G2E3: variants seen among roughly 807,000 people sequenced by gnomAD.
G2E3 encodes G2/M-phase specific E3 ubiquitin protein ligase, also known as G2/M phase-specific E3 ubiquitin-protein ligase.
A neutral mutation model predicts 92.8 loss-of-function variants in G2E3; 35 were observed. That is an observed-to-expected ratio of 0.38 (90% CI 0.29 to 0.50). The LOEUF is 0.50. Ranked by LOEUF, G2E3 falls within the 20% of genes least tolerant of loss-of-function variation. The pLI is 0.94. For synonymous variants in G2E3, 242 were observed against 272.4 expected (o/e 0.89, Z 1.10); for missense variants, 554 against 823.8 (o/e 0.67, Z 4.01).
chr14:30,565,797 G>T (rs1879395042), intron 1 of G2E3, among the ~76,000 whole-genome samples: 1 of 151,604 alleles, frequency 6.6e-6, no homozygotes, highest in African/African-American at 2.4e-5. Flanking sequence ...AAGTAGCTGG[G>T]ACTATAGGCA....
chr14:30,564,506 A>T (rs776256658), intron 1 of G2E3, among the ~76,000 whole-genome samples: 13 of 151,966 alleles, frequency 8.6e-5, no homozygotes, highest in South Asian at 2.1e-4. Context: ...CTAATTAAAA[A>T]TTTTTTTTAT....
chr14:30,605,860 A>C, intron 11 of G2E3, 48 bp downstream of exon 11: 1 of 955,220 alleles, frequency 1.0e-6, no homozygotes. Context: ...ACATGTATAG[A>C]AAAAGAGATA....
chr14:30,614,242 A>ATG (rs57486316), intron 13 of G2E3, among the ~76,000 whole-genome samples: 14,044 of 152,182 alleles, frequency 0.092, 1,177 homozygotes, highest in African/African-American at 0.21. Context: ...ACAGATAAAC[A>ATG]TGTGTGTTCT....
chr14:30,619,239 G>C lies in G2E3; in HGVS notation c.*2705G>C, dbSNP rs1013779515. ...AGCCTTTGATTGATTACCAGCATGA[G>C]AATTCACCTTGGTTTCTATTTTATG... On this transcript the variant is annotated 3_prime_UTR_variant, in exon 15 of 15. Coordinates refer to ENST00000206595, the MANE Select transcript of G2E3 (RefSeq NM_017769.5). The C allele has an allele frequency of 2.0e-5, 3 of 152,034 alleles. No homozygotes were observed. The highest frequency in any genetic ancestry group is 7.2e-5 in the African/African-American group (3 of 41,444). The allele number at this position is 152,034 out of a possible 1,614,324, so 9.4% of individuals were successfully genotyped here. A position where few individuals can be genotyped will look rare whatever the true frequency, so the allele number is the denominator to read the frequency against.
intron 2 of G2E3, among the ~76,000 whole-genome samples, chr14:30,582,595 T>C (rs229201): frequency 0.49 from 74,371 of 152,108 alleles, 21,192 homozygotes; most frequent in African/African-American, 0.79. Context: ...TCTACATAAT[T>C]CTCTTTCTCT....
chr14:30,589,574 T>G (rs1449031705), intron 4 of G2E3, 90 bp downstream of exon 4: 2 of 689,744 alleles, frequency 2.9e-6, no homozygotes, highest in Non-Finnish European at 5.1e-6. Context: ...TAGAAATTTA[T>G]GACTTTGATT....
chr14:30,590,786 C>T (rs1266425987), intron 4 of G2E3: 2 of 454,930 alleles, frequency 4.4e-6, no homozygotes, highest in Non-Finnish European at 8.8e-6. Flanking sequence ...ATCATAATTC[C>T]TAAACTTCCT....
At chr14:30,562,906 G>C (rs909430067) in intron 1 of G2E3, among the ~76,000 whole-genome samples, 1 of 152,220 alleles carries the variant, frequency 6.6e-6, no homozygotes, top group Non-Finnish European at 1.5e-5. Context: ...CAGTGGACAC[G>C]TGACCCACGT....
At chr14:30,585,834 T>C (rs190814362) in intron 2 of G2E3, among the ~76,000 whole-genome samples, 1 of 152,302 alleles carries the variant, frequency 6.6e-6, no homozygotes, top group East Asian at 1.9e-4. Flanking sequence ...TGCATGAGCC[T>C]AAACATCAGC....
At chr14:30,577,969 C>G (rs540643763) in intron 1 of G2E3, 1 of 152,142 alleles carries the variant, frequency 6.6e-6, no homozygotes, top group African/African-American at 2.4e-5. Flanking sequence ...AAGACTTGGA[C>G]TGTTATTGAA....
intron 1 of G2E3, chr14:30,560,264 T>G (rs946103239): frequency 2.6e-5 from 4 of 152,772 alleles, no homozygotes; most frequent in African/African-American, 9.6e-5. Flanking sequence ...TTTACATCTT[T>G]ATTAAAAATC....
chr14:30,580,973 A>G (rs1360417773), intron 1 of G2E3, 103 bp from the exon 2 acceptor site: 5 of 719,498 alleles, frequency 6.9e-6, no homozygotes, highest in Non-Finnish European at 1.3e-5. Flanking sequence ...ATACTAGAGT[A>G]TTAGATGACT....
intron 3 of G2E3, among the ~76,000 whole-genome samples, chr14:30,588,974 G>A (rs939938773): frequency 2.0e-5 from 3 of 152,076 alleles, no homozygotes; most frequent in African/African-American, 7.2e-5. Flanking sequence ...TTTAGAGTTA[G>A]CCTGAAATGT....
chr14:30,606,298 TTAAGG>T, intron 11 of G2E3, among the ~76,000 whole-genome samples: 2 of 152,176 alleles, frequency 1.3e-5, no homozygotes, highest in South Asian at 4.1e-4. Context: ...TGGTGAGAAC[TTAAGG>T]TAATTATAAC....
chr14:30,608,757 T>C (rs1881950103), intron 12 of G2E3, among the ~76,000 whole-genome samples: 1 of 152,196 alleles, frequency 6.6e-6, no homozygotes, highest in Admixed American at 6.5e-5. Context: ...TTCCTTAACC[T>C]CCCTCCTACT....
intron 10 of G2E3, among the ~76,000 whole-genome samples, chr14:30,604,123 T>C (rs1352927742): frequency 1.3e-5 from 2 of 152,218 alleles, no homozygotes; most frequent in Non-Finnish European, 2.9e-5. Context: ...TCCTTGCTCC[T>C]GCTTTAACAT....
intron 1 of G2E3, among the ~76,000 whole-genome samples, chr14:30,575,838 A>T (rs190773991): frequency 6.6e-6 from 1 of 152,342 alleles, no homozygotes; most frequent in East Asian, 1.9e-4. Context: ...TACAATGAGA[A>T]TTACAAAGCA....
intron 4 of G2E3, chr14:30,590,500 C>T (rs925669639): frequency 1.0e-4 from 36 of 348,914 alleles, no homozygotes; most frequent in Non-Finnish European, 5.7e-5. Context: ...GTCCCCTTTC[C>T]TGCCCCTGTC....
chr14:30,608,476 A>G (rs1230198811), intron 12 of G2E3, among the ~76,000 whole-genome samples: 1 of 152,230 alleles, frequency 6.6e-6, no homozygotes, highest in Admixed American at 6.5e-5. Flanking sequence ...CTTACCAGTT[A>G]GAATACTTTT....
Sources: gnomAD v4.1 joint callset for allele counts (sites outside exome capture counted in the v4.1 genomes callset) on GRCh38, gnomAD v4.1.1 for gene constraint, MANE v1.5 for transcripts, NCBI Gene and HGNC (gene_info 2026-07-23, HGNC 2026-07-21) for gene names.